Variants in SEZ6L observed in about 807,000 individuals in gnomAD.
SEZ6L encodes the protein seizure 6-like protein.
In SEZ6L, 37 loss-of-function variants were observed where a neutral mutation model predicts 106.2. That is an observed-to-expected ratio of 0.35 (90% CI 0.27 to 0.46). The LOEUF (loss-of-function observed/expected upper bound fraction) is 0.46. Among genes scored for constraint, SEZ6L ranks in the 20% least tolerant of loss-of-function variants. SEZ6L has a pLI of 1.00. For synonymous variants in SEZ6L, 541 were observed against 570.4 expected, an observed-to-expected ratio of 0.95 and a Z score of 0.73; for missense variants, 1,172 against 1,332.8, an observed-to-expected ratio of 0.88 and a Z score of 1.88.
chr22:26,327,882 G>C (rs983012108), intron 9 of SEZ6L, among the ~76,000 whole-genome samples: 1 of 152,218 alleles, frequency 6.6e-6, no homozygotes, highest in African/African-American at 2.4e-5. Flanking sequence ...CTTACATCCA[G>C]AAAAAGGAAG....
intron 9 of SEZ6L, among the ~76,000 whole-genome samples, chr22:26,339,226 G>A (rs1025141894): frequency 6.6e-6 from 1 of 151,956 alleles, no homozygotes; most frequent in African/African-American, 2.4e-5. Context: ...ACAGTGCCTG[G>A]CTCATAGTAG....
intron 9 of SEZ6L, among the ~76,000 whole-genome samples, chr22:26,335,190 G>A (rs577072893): frequency 6.6e-6 from 1 of 152,316 alleles, no homozygotes; most frequent in Non-Finnish European, 1.5e-5. Context: ...GCCAAACTCT[G>A]TGTACATAAT....
intron 9 of SEZ6L, among the ~76,000 whole-genome samples, chr22:26,336,365 G>A (rs899094005): frequency 1.3e-5 from 2 of 152,146 alleles, no homozygotes; most frequent in African/African-American, 4.8e-5. Flanking sequence ...AGTGAAACCT[G>A]CTCATCAATC....
intron 1 of SEZ6L, among the ~76,000 whole-genome samples, chr22:26,237,513 C>A (rs2078990010): frequency 6.6e-6 from 1 of 152,222 alleles, no homozygotes; most frequent in Non-Finnish European, 1.5e-5. Context: ...CTGATGATAC[C>A]TACCTGTTGG....
intron 5 of SEZ6L, among the ~76,000 whole-genome samples, chr22:26,304,647 C>T (rs112869063): frequency 0.039 from 5,928 of 152,056 alleles, 405 homozygotes; most frequent in African/African-American, 0.14. Context: ...AGAAATTTTT[C>T]AAGAAATAGT....
intron 1 of SEZ6L, among the ~76,000 whole-genome samples, chr22:26,251,032 T>A (rs6004976): frequency 0.023 from 3,491 of 152,326 alleles, 135 homozygotes; most frequent in African/African-American, 0.08. Context: ...GCAACTTTAC[T>A]GAATTTGTTG....
intron 1 of SEZ6L, among the ~76,000 whole-genome samples, chr22:26,170,633 G>A (rs938481671): frequency 6.6e-6 from 1 of 152,140 alleles, no homozygotes; most frequent in African/African-American, 2.4e-5. Context: ...TTATGGGTGG[G>A]GGAGAGGGCC....
At chr22:26,182,127 A>G (rs1471129188) in intron 1 of SEZ6L, among the ~76,000 whole-genome samples, 1 of 152,190 alleles carries the variant, frequency 6.6e-6, no homozygotes, top group East Asian at 1.9e-4. Flanking sequence ...TAGAAACTCA[A>G]TAAGTGCAGA....
At chr22:26,213,851 G>T (rs2078227391) in intron 1 of SEZ6L, among the ~76,000 whole-genome samples, 1 of 152,180 alleles carries the variant, frequency 6.6e-6, no homozygotes, top group Non-Finnish European at 1.5e-5. Flanking sequence ...AACTTAGGAA[G>T]TCTAGGCTGC....
At chr22:26,278,807 A>T (rs1487327613) in intron 1 of SEZ6L, among the ~76,000 whole-genome samples, 1 of 151,364 alleles carries the variant, frequency 6.6e-6, no homozygotes, top group African/African-American at 2.4e-5. Context: ...GGAGGAAGGA[A>T]GGAATGAAGG....
chr22:26,198,742 A>G (rs1463694511), intron 1 of SEZ6L, among the ~76,000 whole-genome samples: 2 of 152,208 alleles, frequency 1.3e-5, no homozygotes, highest in African/African-American at 4.8e-5. Context: ...CCCTTTTATA[A>G]GGGCTCTGAT....
At chr22:26,266,396 TAAAAAAAAAAAAA>T (rs1224925819) in intron 1 of SEZ6L, among the ~76,000 whole-genome samples, 28 of 115,030 alleles carry the variant, frequency 2.4e-4, no homozygotes, top group African/African-American at 8.3e-4. Context: ...CCGTCTCTAC[TAAAAAAAAAAAAA>T]AAAAATACAA....
At chr22:26,351,553 G>GT in intron 12 of SEZ6L, 1 of 270,626 alleles carries the variant, frequency 3.7e-6, no homozygotes, top group Admixed American at 5.2e-5. Flanking sequence ...TTGTTGGTTG[G>GT]TTGGTTGGTT....
intron 9 of SEZ6L, among the ~76,000 whole-genome samples, chr22:26,334,569 A>T (rs554741114): frequency 6.6e-6 from 1 of 152,228 alleles, no homozygotes; most frequent in Non-Finnish European, 1.5e-5. Flanking sequence ...GGAAAGATTC[A>T]TCTGGCTGCT....
chr22:26,209,991 G>GAGGA (rs1602042033), intron 1 of SEZ6L, among the ~76,000 whole-genome samples: 2 of 131,472 alleles, frequency 1.5e-5, no homozygotes, highest in African/African-American at 2.8e-5. Flanking sequence ...GGAAGGAAGG[G>GAGGA]AGGAAGGAAG....
rs572186575 is a variant in SEZ6L at position 26,199,388 on chromosome 22, G to A, written c.94+29625G>A. ...AGAATAGAAAGCCTGGGAGGGAAAG[G>A]TTTTTCTGAGAACTGATTTAACTTG... On this transcript the variant is annotated intron_variant, in intron 1 of 16. Transcript: ENST00000248933. Among the ~76,000 whole-genome samples, 24 of 152,228 alleles carry A rather than the reference G, an allele frequency of 1.6e-4. No individual in the cohort carries two copies. The South Asian group carries it at 3.5e-3, about 22-fold the overall frequency.
chr22:26,364,425 TAAA>T (rs10577471), intron 12 of SEZ6L, among the ~76,000 whole-genome samples: 87,492 of 130,868 alleles, frequency 0.67, 28,891 homozygotes, highest in East Asian at 0.87. Context: ...GTCTCTACTT[TAAA>T]AAAAAAAAAA....
intron 1 of SEZ6L, among the ~76,000 whole-genome samples, chr22:26,176,553 C>T (rs905583225): frequency 2.0e-5 from 3 of 152,154 alleles, no homozygotes; most frequent in South Asian, 2.1e-4. Flanking sequence ...CCTAGAGGAG[C>T]GCATGGCTGG....
chr22:26,219,714 G>A (rs978826374), intron 1 of SEZ6L, among the ~76,000 whole-genome samples: 6 of 152,172 alleles, frequency 3.9e-5, no homozygotes, highest in African/African-American at 1.4e-4. Context: ...GCAATAAAGA[G>A]GATCATGCAA....
Sources: gnomAD v4.1 joint callset for allele counts (sites outside exome capture counted in the v4.1 genomes callset) on GRCh38, gnomAD v4.1.1 for gene constraint, MANE v1.5 for transcripts, NCBI Gene and HGNC (gene_info 2026-07-23, HGNC 2026-07-21) for gene names.